RAB6B: variants seen among roughly 807,000 people sequenced by gnomAD.
The protein encoded by RAB6B is ras-related protein Rab-6B.
A neutral mutation model predicts 31.2 loss-of-function variants in RAB6B; 7 were observed. That is an observed-to-expected ratio of 0.22 (90% CI 0.13 to 0.42). RAB6B has a LOEUF of 0.42. RAB6B is among the 10% of genes least tolerant of loss of function. The pLI is 1.00. For missense variants in RAB6B, 149 were observed against 280.6 expected (o/e 0.53, Z 3.35); for synonymous variants, 105 against 104.9 (o/e 1.00, Z -0.01).
At position 133,892,701 on chromosome 3, in the gene RAB6B, T is replaced by G. The variant is rs573948304; in HGVS notation, c.70+2696A>C. Among the ~76,000 whole-genome samples the G allele has an allele frequency of 1.1e-4, 16 of 152,286 alleles. No individual in the cohort carries two copies. In the South Asian group the frequency reaches 3.3e-3, roughly 32 times the overall value. On this transcript the variant is annotated intron_variant, in intron 1 of 7. Transcript: ENST00000285208. Reference sequence around the variant, plus strand: ...CCCATGCTGCTCTGAAAGACTCCGCTGAGCTCAGCTGGCCCAAGTCCCCCA... The same window carrying G: ...CCCATGCTGCTCTGAAAGACTCCGCGGAGCTCAGCTGGCCCAAGTCCCCCA...
intron 2 of RAB6B, among the ~76,000 whole-genome samples, chr3:133,862,129 T>TG (rs1223662486): frequency 1.5e-5 from 2 of 132,906 alleles, no homozygotes; most frequent in Non-Finnish European, 3.1e-5. Context: ...GCTGCAATAT[T>TG]GAAAAAAAAA....
chr3:133,858,383 C>G (rs924219388), intron 2 of RAB6B, among the ~76,000 whole-genome samples: 1 of 152,180 alleles, frequency 6.6e-6, no homozygotes, highest in African/African-American at 2.4e-5. Context: ...GTATTTGTTT[C>G]CTAGGCCTGC....
At chr3:133,866,142 A>C (rs1936233748) in intron 1 of RAB6B, among the ~76,000 whole-genome samples, 1 of 152,218 alleles carries the variant, frequency 6.6e-6, no homozygotes, top group African/African-American at 2.4e-5. Context: ...GGAAATGCTT[A>C]AAAGTGGAAG....
Position 133,828,215 on chromosome 3 carries a change from C to T in RAB6B, c.*573G>A. 1.8e-6 allele frequency: 1 copy of T among 561,498 alleles called. No homozygotes were observed. Among genetic ancestry groups the T allele is most frequent in the Non-Finnish European group, 3.2e-6 (1 of 314,906 alleles). 34.8% of individuals were successfully genotyped at this position (561,498 alleles called of 1,614,324 possible). A position where few individuals can be genotyped will look rare whatever the true frequency, so the allele number is the denominator to read the frequency against. On this transcript the variant is annotated 3_prime_UTR_variant, in exon 8 of 8. Coordinates refer to ENST00000285208, the MANE Select transcript of RAB6B (RefSeq NM_016577.4). ...ATGGAAAGACAAGAGTCAGAGCTACCTTTTCAGAGGCTGATGTGTTCAACC... is the reference window on the plus strand; with the variant it reads ...ATGGAAAGACAAGAGTCAGAGCTACTTTTTCAGAGGCTGATGTGTTCAACC...
chr3:133,873,256 G>A (rs1936350396), intron 1 of RAB6B, among the ~76,000 whole-genome samples: 1 of 152,210 alleles, frequency 6.6e-6, no homozygotes, highest in African/African-American at 2.4e-5. Context: ...TTCCCAGGAT[G>A]GCTGGTCCTC....
chr3:133,833,306 G>A (rs1324801825), intron 7 of RAB6B, among the ~76,000 whole-genome samples: 1 of 152,102 alleles, frequency 6.6e-6, no homozygotes, highest in Non-Finnish European at 1.5e-5. Flanking sequence ...TCTGTGATTG[G>A]AGTCTCATAA....
intron 1 of RAB6B, among the ~76,000 whole-genome samples, chr3:133,892,794 C>A (rs1385844769): frequency 6.6e-6 from 1 of 152,216 alleles, no homozygotes; most frequent in Non-Finnish European, 1.5e-5. Context: ...TGAGGGCCAG[C>A]CCTCAGGTGG....
intron 1 of RAB6B, 29 bp from the exon 2 acceptor site, chr3:133,864,671 A>G (rs370850769): frequency 6.2e-7 from 1 of 1,600,040 alleles, no homozygotes; most frequent in Non-Finnish European, 8.6e-7. Context: ...AGAGGTGTTC[A>G]GTCATGGCAT....
At chr3:133,849,314 T>C (rs1338621583) in intron 2 of RAB6B, among the ~76,000 whole-genome samples, 1 of 152,190 alleles carries the variant, frequency 6.6e-6, no homozygotes, top group Admixed American at 6.5e-5. Flanking sequence ...TGCATCAGAA[T>C]CACATCAGGA....
chr3:133,885,555 A>T (rs1334509350), intron 1 of RAB6B: 2 of 703,038 alleles, frequency 2.8e-6, no homozygotes, highest in Non-Finnish European at 5.2e-6. Context: ...GTTTCTGGTC[A>T]TATGCCACAT....
chr3:133,870,402 C>G (rs1258535615), intron 1 of RAB6B, among the ~76,000 whole-genome samples: 1 of 152,184 alleles, frequency 6.6e-6, no homozygotes, highest in Non-Finnish European at 1.5e-5. Flanking sequence ...GGTGGGGACA[C>G]TCTGCTACAG....
At chr3:133,892,212 C>T (rs761925799) in intron 1 of RAB6B, among the ~76,000 whole-genome samples, 9 of 152,130 alleles carry the variant, frequency 5.9e-5, no homozygotes, top group South Asian at 2.1e-4. Context: ...CAGGGGCATA[C>T]CCAATAGGCC....
intron 1 of RAB6B, among the ~76,000 whole-genome samples, chr3:133,891,607 C>A (rs1936638676): frequency 6.6e-6 from 1 of 152,102 alleles, no homozygotes; most frequent in Non-Finnish European, 1.5e-5. Flanking sequence ...CTATAAGTTC[C>A]AGGAGGGCAG....
intron 1 of RAB6B, among the ~76,000 whole-genome samples, chr3:133,879,166 T>G (rs1936433605): frequency 6.6e-6 from 1 of 152,222 alleles, no homozygotes; most frequent in African/African-American, 2.4e-5. Flanking sequence ...AAGTTAAAAT[T>G]CAGGGAATCT....
chr3:133,826,884 G>GT lies in RAB6B; in HGVS notation c.*1903dup, dbSNP rs1326846190. On this transcript the variant is annotated 3_prime_UTR_variant, in exon 8 of 8. Coordinates refer to ENST00000285208, the MANE Select transcript of RAB6B (RefSeq NM_016577.4). ...AAACAAGAATATACATTGAGCACAT[G>GT]TATCTCCGTGAGGATGTGTTTGTGG... is the stretch of plus-strand genomic sequence containing the variant. 1.3e-5 allele frequency: 2 copies of GT among 152,684 alleles called. No individual in the cohort carries two copies. Among genetic ancestry groups the GT allele is most frequent in the African/African-American group, 4.8e-5 (2 of 41,458 alleles). 9.5% of individuals were successfully genotyped at this position (152,684 alleles called of 1,614,324 possible).
chr3:133,828,773 C>T lies in RAB6B; in HGVS notation c.*15G>A, dbSNP rs1559897443. The stretch of plus-strand genomic sequence containing the variant: ...AAGCAAGGAGTGTCATGGGAAGCCA[C>T]AGGTCGGCTCTGCATTAGCAGGAGC... On this transcript the variant is annotated 3_prime_UTR_variant, in exon 8 of 8. Transcript: ENST00000285208. 2 of 1,599,580 alleles carry T rather than the reference C, an allele frequency of 1.3e-6. No homozygotes were observed. Among genetic ancestry groups the T allele is most frequent in the Non-Finnish European group, 1.7e-6 (2 of 1,167,498 alleles).
At chr3:133,869,514 T>C (rs116365869) in intron 1 of RAB6B, among the ~76,000 whole-genome samples, 1,656 of 152,330 alleles carry the variant, frequency 0.011, 36 homozygotes, top group African/African-American at 0.038. Context: ...TTCAGCAGGA[T>C]GGTGTGAACA....
intron 1 of RAB6B, among the ~76,000 whole-genome samples, chr3:133,884,588 T>C (rs183257674): frequency 6.6e-6 from 1 of 152,246 alleles, no homozygotes; most frequent in Non-Finnish European, 1.5e-5. Context: ...AAGGAAGTGA[T>C]CAAGTGTCCA....
chr3:133,877,543 T>C (rs1936413068), intron 1 of RAB6B, among the ~76,000 whole-genome samples: 1 of 152,084 alleles, frequency 6.6e-6, no homozygotes, highest in South Asian at 2.1e-4. Flanking sequence ...CTTAAGAATA[T>C]TTATAGGAAC....
Sources: allele counts gnomAD v4.1 joint callset (sites outside exome capture counted in the v4.1 genomes callset), GRCh38; gene constraint gnomAD v4.1.1; transcripts MANE v1.5; gene names NCBI Gene and HGNC (gene_info 2026-07-23, HGNC 2026-07-21).